Variants in GRID1 observed in about 807,000 individuals in gnomAD.
The protein encoded by GRID1 is glutamate ionotropic receptor delta type subunit 1.
A neutral mutation model predicts 98.0 loss-of-function variants in GRID1; 28 were observed. The observed-to-expected ratio is 0.29, with a 90% CI of 0.21 to 0.39. GRID1 has a LOEUF of 0.39. Among genes scored for constraint, GRID1 ranks in the 10% least tolerant of loss-of-function variants. The probability of loss-of-function intolerance (pLI) is 1.00; values close to 1 mark genes in which losing one functional copy is unlikely to be tolerated. For missense variants in GRID1, 1,111 were observed against 1,340.5 expected (o/e 0.83, Z 2.67); for synonymous variants, 553 against 538.5 (o/e 1.03, Z -0.37).
At chr10:85,645,783 C>T (rs1382439192) in intron 13 of GRID1, 1 of 152,280 alleles carries the variant, frequency 6.6e-6, no homozygotes, top group African/African-American at 2.4e-5. Context: ...AGCATGGGAT[C>T]CTGTACAAGT....
intron 2 of GRID1, among the ~76,000 whole-genome samples, chr10:86,296,606 G>A (rs190931568): frequency 2.8e-4 from 43 of 152,246 alleles, no homozygotes; most frequent in African/African-American, 9.9e-4. Context: ...GGGCATGGTG[G>A]CATGTGCCTG....
At chr10:85,884,738 G>T (rs1195164927) in intron 5 of GRID1, among the ~76,000 whole-genome samples, 1 of 152,126 alleles carries the variant, frequency 6.6e-6, no homozygotes, top group Admixed American at 6.5e-5. Context: ...TAAGGTGGCT[G>T]CAAATGGTCA....
At chr10:85,874,606 C>T (rs1843309793) in intron 5 of GRID1, among the ~76,000 whole-genome samples, 1 of 152,164 alleles carries the variant, frequency 6.6e-6, no homozygotes, top group African/African-American at 2.4e-5. Context: ...GCCTTTGTCA[C>T]CTGCTACGGG....
At chr10:85,797,153 A>C (rs1842532711) in intron 8 of GRID1, among the ~76,000 whole-genome samples, 1 of 152,200 alleles carries the variant, frequency 6.6e-6, no homozygotes, top group South Asian at 2.1e-4. Context: ...GAAGCTGTTA[A>C]ATTTCTTATT....
At chr10:86,144,483 C>T (rs918391538) in intron 3 of GRID1, among the ~76,000 whole-genome samples, 1 of 152,150 alleles carries the variant, frequency 6.6e-6, no homozygotes, top group Non-Finnish European at 1.5e-5. Context: ...TCCCTCCCCG[C>T]CTCCACACCA....
intron 2 of GRID1, among the ~76,000 whole-genome samples, chr10:86,290,998 G>A (rs1475451155): frequency 6.6e-6 from 1 of 152,194 alleles, no homozygotes; most frequent in Non-Finnish European, 1.5e-5. Flanking sequence ...GTCCCTGAAA[G>A]GCTCAAAGGG....
intron 8 of GRID1, among the ~76,000 whole-genome samples, chr10:85,749,122 G>T: frequency 6.6e-6 from 1 of 152,166 alleles, no homozygotes; most frequent in Admixed American, 6.5e-5. Context: ...CGGGCCTCAA[G>T]GTGACAGGCA....
intron 4 of GRID1, among the ~76,000 whole-genome samples, chr10:86,114,949 C>A (rs991304071): frequency 2.0e-5 from 3 of 152,208 alleles, no homozygotes; most frequent in Non-Finnish European, 4.4e-5. Flanking sequence ...AAGAATCCAC[C>A]TCTCTCCCTG....
chr10:86,084,955 G>A lies in GRID1; in HGVS notation c.726+53864C>T, dbSNP rs1263730493. Among the ~76,000 whole-genome samples, 3 of 152,128 alleles carry A rather than the reference G, an allele frequency of 2.0e-5. No homozygotes were observed. The East Asian group carries it at 5.8e-4, about 29-fold the overall frequency. On this transcript the variant is annotated intron_variant, in intron 4 of 15. Transcript: ENST00000327946. ...TAAAAAAGTTCTGGAAACGGATGGT[G>A]GTGATGGTTGCACAACACTGAAAAT...
chr10:85,719,637 T>G (rs1306062058), intron 12 of GRID1, among the ~76,000 whole-genome samples: 4 of 152,060 alleles, frequency 2.6e-5, no homozygotes, highest in Admixed American at 1.3e-4. Context: ...CCCCTATGAT[T>G]CAATTACCTC....
intron 3 of GRID1, among the ~76,000 whole-genome samples, chr10:86,156,482 T>C (rs369176190): frequency 1.4e-4 from 21 of 152,160 alleles, no homozygotes; most frequent in African/African-American, 5.1e-4. Context: ...CTGCCATGTT[T>C]CTTGTCCAAT....
chr10:86,071,089 T>C (rs1441330234), intron 4 of GRID1, among the ~76,000 whole-genome samples: 1 of 152,220 alleles, frequency 6.6e-6, no homozygotes, highest in East Asian at 1.9e-4. Flanking sequence ...TATGTGAATG[T>C]TTTTCATTGC....
At position 86,111,118 on chromosome 10, in the gene GRID1, A is replaced by T. The variant is rs1159635799; in HGVS notation, c.726+27701T>A. The stretch of plus-strand genomic sequence containing the variant: ...CTCCTGTAGGCCCCTTATGTTTCTC[A>T]TCTGCCTTGGACCAGTAGATTTTCA... On this transcript the variant is annotated intron_variant, in intron 4 of 15. Transcript: ENST00000327946. 2.0e-5 allele frequency among the ~76,000 whole-genome samples: 3 copies of T among 152,192 alleles called. No homozygotes were observed. In the East Asian group the frequency reaches 5.8e-4, roughly 29 times the overall value.
In GRID1 at chr10:85,878,896, A is replaced by C. The variant is rs1268999306; in HGVS notation, c.781-9716T>G. On this transcript the variant is annotated intron_variant, in intron 5 of 15. Transcript: ENST00000327946. ...AACCCATCTCACGTGCAGAGACACA[A>C]ATAGGCTCAAAATAAAGGGATGGAG... Among the ~76,000 whole-genome samples the C allele has an allele frequency of 6.2e-3, 947 of 152,084 alleles. 7 individuals carry two copies. The highest frequency in any genetic ancestry group is 0.024 in the South Asian group (114 of 4,788).
chr10:86,189,702 G>A (rs1013390570), intron 3 of GRID1, among the ~76,000 whole-genome samples: 2 of 152,080 alleles, frequency 1.3e-5, no homozygotes, highest in Non-Finnish European at 2.9e-5. Context: ...GGTGCTGTGC[G>A]ATGTTTATCA....
intron 2 of GRID1, among the ~76,000 whole-genome samples, chr10:86,339,637 C>T (rs1253908659): frequency 1.3e-5 from 2 of 152,208 alleles, no homozygotes; most frequent in African/African-American, 4.8e-5. Context: ...CTGCACCTTT[C>T]TGAGGAACCC....
chr10:86,152,300 C>T (rs907025541), intron 3 of GRID1, among the ~76,000 whole-genome samples: 1 of 152,192 alleles, frequency 6.6e-6, no homozygotes, highest in African/African-American at 2.4e-5. Flanking sequence ...ACCTTGTGTG[C>T]CCACAGAAGG....
Position 85,918,698 on chromosome 10 carries a change from G to C in GRID1, c.727-2459C>G, listed in dbSNP as rs1177783365. Among the ~76,000 whole-genome samples, 11 of 152,272 alleles carry C rather than the reference G, an allele frequency of 7.2e-5. No individual in the cohort carries two copies. The East Asian group carries it at 1.9e-3, about 27-fold the overall frequency. On this transcript the variant is annotated intron_variant, in intron 4 of 15. Coordinates refer to ENST00000327946, the MANE Select transcript of GRID1 (RefSeq NM_017551.3). ...TACAGCCAATGGCTCCCATAATCAG[G>C]GAGGCAGATATCAATTCAATATAGG...
intron 4 of GRID1, among the ~76,000 whole-genome samples, chr10:86,034,934 A>C (rs1170837276): frequency 6.6e-6 from 1 of 151,302 alleles, no homozygotes. Context: ...GGATGGATGG[A>C]TGGATGGATG....
Sources: allele counts gnomAD v4.1 joint callset (sites outside exome capture counted in the v4.1 genomes callset), GRCh38; gene constraint gnomAD v4.1.1; transcripts MANE v1.5; gene names NCBI Gene and HGNC (gene_info 2026-07-23, HGNC 2026-07-21).